Variants in SLC9A6 observed in about 807,000 individuals in gnomAD.
SLC9A6 encodes the protein solute carrier family 9 member A6.
Under a neutral mutation model 45.3 loss-of-function variants are expected in SLC9A6, and 6 were observed. The ratio of observed to expected loss-of-function variants is 0.13; its 90% confidence interval spans 0.07 to 0.26. The LOEUF is 0.26. Among genes scored for constraint, SLC9A6 ranks in the 10% least tolerant of loss-of-function variants. SLC9A6 has a pLI of 1.00. For missense variants in SLC9A6, 278 were observed against 503.7 expected (o/e 0.55, Z 4.29); for synonymous variants, 191 against 187.7 (o/e 1.02, Z -0.14).
chrX:136,030,460 A>C, intron 15 of SLC9A6: 1 of 311,821 alleles, frequency 3.2e-6, no homozygotes, highest in Non-Finnish European at 5.7e-6. Flanking sequence ...TTTTCGAGTG[A>C]CTCCTCTGGC....
rs1556623217 is a variant in SLC9A6 at position 136,044,575 on chromosome X, A to G, written c.1891A>G (p.Met631Val). 1.7e-6 allele frequency: 2 copies of G among 1,211,638 alleles called. No individual in the cohort carries two copies. The highest frequency in any genetic ancestry group is 1.8e-5 in the South Asian group (1 of 56,967). The change falls in exon 18 of 18, where the codon ATG becomes GTG. Residue 631 changes from methionine to valine, a missense_variant. Around this residue, in one of 5 missense-constraint regions of SLC9A6, gnomAD observed 91 missense variants for 125.1 expected, o/e 0.73. Transcript: ENST00000630721. The stretch of plus-strand genomic sequence containing the variant: ...CACATCCAGCGCCCCAAGGAGATTT[A>G]TGGGAAACAGTTCTGAAGATGCCTT... The part of the protein sequence containing the change: ...PATSSAPRRF[M>V]GNSSEDALDR...
chrX:135,991,940 TGCTCCCCTGGC>T (rs2089438348), intron 2 of SLC9A6, among the ~76,000 whole-genome samples: 1 of 111,013 alleles, frequency 9.0e-6, no homozygotes, highest in Non-Finnish European at 1.9e-5. Context: ...CCATTTTACT[TGCTCCCCTGGC>T]GATCTCATCT....
At chrX:136,030,029 A>T in intron 14 of SLC9A6, 103 bp from the exon 15 acceptor site, 1 of 800,589 alleles carries the variant, frequency 1.2e-6, no homozygotes, top group Non-Finnish European at 1.9e-6. Context: ...TAACCATTCC[A>T]TAGCTTCTGT....
Position 135,998,187 on chromosome X carries a change from TA to T in SLC9A6, c.447+4del. On this transcript the variant is annotated splice_donor_region_variant and intron_variant, in intron 4 of 17. Coordinates refer to ENST00000630721, the MANE Select transcript of SLC9A6 (RefSeq NM_001379110.1). ...TATGCAGGTTATAGCCTGAAAAGGG[TA>T]AGTCCTTTTGTCTTTCATATACTTT... 9.4e-7 allele frequency: 1 copy of T among 1,058,358 alleles called. No individual in the cohort carries two copies. The highest frequency in any genetic ancestry group is 1.3e-6 in the Non-Finnish European group (1 of 755,909). The allele number at this position is 1,058,358 out of a possible 1,213,427, so 87.2% of individuals were successfully genotyped here.
Position 135,985,455 on chromosome X carries a change from G to A in SLC9A6, c.-79G>A. Reference sequence around the variant, plus strand: ...CCCGTGAGCCCTCGGGGAGTGGTCCGACCGCGGGCGGCCGCCGGTGAGGTA... The same window carrying A: ...CCCGTGAGCCCTCGGGGAGTGGTCCAACCGCGGGCGGCCGCCGGTGAGGTA... On this transcript the variant is annotated 5_prime_UTR_variant, in exon 1 of 18. Coordinates refer to ENST00000630721, the MANE Select transcript of SLC9A6 (RefSeq NM_001379110.1). The A allele has an allele frequency of 1.0e-6, 1 of 977,070 alleles. No homozygotes were observed. Among genetic ancestry groups the A allele is most frequent in the Non-Finnish European group, 1.3e-6 (1 of 760,023 alleles). 80.5% of individuals were successfully genotyped at this position (977,070 alleles called of 1,213,427 possible).
chrX:136,007,473 T>G (rs1234273380), intron 7 of SLC9A6, among the ~76,000 whole-genome samples: 2 of 111,774 alleles, frequency 1.8e-5, no homozygotes, highest in East Asian at 5.6e-4. Flanking sequence ...AACATTGAAA[T>G]TGGTATTACC....
chrX:136,030,516 C>G (rs2071303034), intron 15 of SLC9A6: 2 of 224,972 alleles, frequency 8.9e-6, no homozygotes, highest in African/African-American at 2.9e-5. Context: ...AGGCTTGTCT[C>G]TGATGTAAGC....
Position 136,017,205 on chromosome X carries a change from A to G in SLC9A6, c.1194+447A>G, listed in dbSNP as rs1262052410. On this transcript the variant is annotated intron_variant, in intron 11 of 17. Coordinates refer to ENST00000630721, the MANE Select transcript of SLC9A6 (RefSeq NM_001379110.1). The stretch of plus-strand genomic sequence containing the variant: ...CTCATATATATACAAAGAGTCTTAT[A>G]AAATAAAAACCCCAACCTGGGCAAT... Among the ~76,000 whole-genome samples, 4 of 110,631 alleles carry G rather than the reference A, an allele frequency of 3.6e-5. No homozygotes were observed. In the East Asian group the frequency reaches 1.1e-3, roughly 31 times the overall value.
chrX:136,032,084 C>T, intron 15 of SLC9A6, among the ~76,000 whole-genome samples: 1 of 112,128 alleles, frequency 8.9e-6, no homozygotes, highest in African/African-American at 3.2e-5. Context: ...TACTTACTTA[C>T]TGAGATGAAG....
At chrX:136,021,155 C>A (rs1401572370) in intron 11 of SLC9A6, among the ~76,000 whole-genome samples, 1 of 111,072 alleles carries the variant, frequency 9.0e-6, no homozygotes, top group East Asian at 2.8e-4. Context: ...GATATATATA[C>A]TAACTCATAT....
intron 15 of SLC9A6, among the ~76,000 whole-genome samples, chrX:136,031,968 G>A (rs1180798187): frequency 7.1e-5 from 8 of 112,592 alleles, no homozygotes; most frequent in African/African-American, 1.9e-4. Flanking sequence ...CACGTGACAC[G>A]TTGAAGCAGA....
chrX:136,000,330 T>C (rs1298549854), intron 6 of SLC9A6, among the ~76,000 whole-genome samples: 3 of 109,941 alleles, frequency 2.7e-5, no homozygotes, highest in Non-Finnish European at 3.8e-5. Context: ...TTGTGTAGTT[T>C]AGCATTTTTA....
At chrX:136,031,437 C>T (rs1011008335) in intron 15 of SLC9A6, among the ~76,000 whole-genome samples, 2 of 112,241 alleles carry the variant, frequency 1.8e-5, no homozygotes, top group Non-Finnish European at 3.8e-5. Context: ...TGGTGGCTCA[C>T]GCCTGTAATC....
chrX:135,973,952 G>C, upstream of SLC9A6: 3 of 1,103,898 alleles, frequency 2.7e-6, no homozygotes, highest in Non-Finnish European at 3.6e-6. Flanking sequence ...AGTCATAAAC[G>C]AAGAGGCGAA....
At chrX:135,997,375 C>T (rs782518209) in intron 3 of SLC9A6, among the ~76,000 whole-genome samples, 68 of 100,030 alleles carry the variant, frequency 6.8e-4, no homozygotes, top group African/African-American at 2.4e-3. Flanking sequence ...TTATTTAAAG[C>T]GAAAGTAATG....
intron 11 of SLC9A6, among the ~76,000 whole-genome samples, chrX:136,017,766 T>C (rs868969302): frequency 8.9e-6 from 1 of 111,812 alleles, no homozygotes; most frequent in Non-Finnish European, 1.9e-5. Context: ...CAGACAGTTA[T>C]TATCTCACAC....
chrX:135,974,066 C>T, upstream of SLC9A6: 2 of 74,416 alleles, frequency 2.7e-5, no homozygotes, highest in Non-Finnish European at 5.1e-5. Context: ...GCGTAGAGAA[C>T]GTGTGGGGGC....
chrX:136,035,834 A>G (rs1364669230), intron 16 of SLC9A6, among the ~76,000 whole-genome samples: 4 of 109,990 alleles, frequency 3.6e-5, no homozygotes, highest in Non-Finnish European at 7.6e-5. Context: ...GCTCACTGCA[A>G]CCTCTGCCTC....
intron 15 of SLC9A6, chrX:136,030,461 C>G (rs782427337): frequency 3.1e-6 from 1 of 320,266 alleles, no homozygotes; most frequent in Non-Finnish European, 5.5e-6. Flanking sequence ...TTTCGAGTGA[C>G]TCCTCTGGCA....
Sources: gnomAD v4.1 joint callset for allele counts (sites outside exome capture counted in the v4.1 genomes callset) on GRCh38, gnomAD v4.1.1 for gene constraint, gnomAD v4.1.1 regional missense constraint, MANE v1.5 for transcripts, NCBI Gene and HGNC (gene_info 2026-07-23, HGNC 2026-07-21) for gene names.